Variants in ANKRD44 observed in about 807,000 individuals in gnomAD.
ANKRD44 encodes ankyrin repeat domain 44.
In ANKRD44, 35 loss-of-function variants were observed where a neutral mutation model predicts 116.0. The ratio of observed to expected loss-of-function variants is 0.30; its 90% confidence interval spans 0.23 to 0.40. The LOEUF (loss-of-function observed/expected upper bound fraction) is 0.40. Among genes scored for constraint, ANKRD44 ranks in the 10% least tolerant of loss-of-function variants. The pLI is 1.00. For missense variants in ANKRD44, 1,014 were observed against 1,242.6 expected (o/e 0.82, Z 2.77); for synonymous variants, 435 against 461.8 (o/e 0.94, Z 0.74).
intron 27 of ANKRD44, 75 bp downstream of exon 27, chr2:196,993,508 T>C (rs1222753934): frequency 1.6e-6 from 2 of 1,224,278 alleles, no homozygotes; most frequent in Non-Finnish European, 2.3e-6. Context: ...TACTAGCTCC[T>C]ATCTTTCTCA....
At chr2:197,010,605 G>GT (rs1192996197) in intron 18 of ANKRD44, among the ~76,000 whole-genome samples, 16 of 151,992 alleles carry the variant, frequency 1.1e-4, no homozygotes, top group Non-Finnish European at 2.4e-4. Context: ...TAACCTCAGG[G>GT]TAAGCTGCTT....
chr2:197,014,593 G>A (rs1302303564), intron 17 of ANKRD44, among the ~76,000 whole-genome samples: 1 of 152,018 alleles, frequency 6.6e-6, no homozygotes, highest in Non-Finnish European at 1.5e-5. Context: ...TTCGAGACCA[G>A]TCTGGCCAAA....
intron 1 of ANKRD44, among the ~76,000 whole-genome samples, chr2:197,214,778 G>A (rs144756665): frequency 6.6e-6 from 1 of 152,222 alleles, no homozygotes; most frequent in African/African-American, 2.4e-5. Context: ...CAGAAGCAAA[G>A]TCTTGAATTG....
intron 1 of ANKRD44, among the ~76,000 whole-genome samples, chr2:197,285,486 C>A (rs532134649): frequency 3.3e-5 from 5 of 152,306 alleles, no homozygotes; most frequent in Non-Finnish European, 7.4e-5. Flanking sequence ...CTAGTTGACG[C>A]TGAAGCCTTA....
At chr2:197,126,114 A>T in intron 4 of ANKRD44, 77 bp from the exon 5 acceptor site, 2 of 1,449,230 alleles carry the variant, frequency 1.4e-6, no homozygotes, top group East Asian at 4.5e-5. Context: ...TGCTTCACCA[A>T]ACCCTGGAAC....
rs370654698 is a variant in ANKRD44, at chr2:197,164,407, C to A, written c.112-17302G>T. 5.2e-3 allele frequency among the ~76,000 whole-genome samples: 785 copies of A among 152,326 alleles called. 5 individuals are homozygous for A. The highest frequency in any genetic ancestry group is 0.018 in the African/African-American group (729 of 41,576). On this transcript the variant is annotated intron_variant, in intron 2 of 27. Coordinates refer to ENST00000282272, the MANE Select transcript of ANKRD44 (RefSeq NM_001195144.2). ...CGGGGCCTGGTAGCGGAAGACCTTT[C>A]CCTCTGAGGCGCCCCTCTGTTCTCT...
intron 1 of ANKRD44, among the ~76,000 whole-genome samples, chr2:197,307,297 G>T (rs963363979): frequency 6.6e-6 from 1 of 152,158 alleles, no homozygotes; most frequent in Admixed American, 6.5e-5. Flanking sequence ...AGTTGAGGAT[G>T]TTCTATGTTA....
intron 16 of ANKRD44, among the ~76,000 whole-genome samples, chr2:197,050,276 C>A (rs1375219808): frequency 1.3e-5 from 2 of 152,128 alleles, no homozygotes; most frequent in African/African-American, 4.8e-5. Context: ...GATCCAATCG[C>A]CTCCCACCAG....
chr2:197,264,101 G>GAAAAGA (rs1165984136), intron 1 of ANKRD44, among the ~76,000 whole-genome samples: 13 of 151,948 alleles, frequency 8.6e-5, no homozygotes, highest in Non-Finnish European at 1.8e-4. Flanking sequence ...ATTTTAAAAA[G>GAAAAGA]AAAAGAAAAA....
chr2:197,159,675 T>C (rs77452330), intron 2 of ANKRD44, among the ~76,000 whole-genome samples: 5,903 of 152,344 alleles, frequency 0.039, 146 homozygotes, highest in Middle Eastern at 0.075. Flanking sequence ...GGCAAAATTG[T>C]AATTTGTCTA....
chr2:197,235,943 G>A (rs1486363268), intron 1 of ANKRD44, among the ~76,000 whole-genome samples: 2 of 152,106 alleles, frequency 1.3e-5, no homozygotes, highest in African/African-American at 4.8e-5. Context: ...AGAATTAGTT[G>A]ATGAGTGCTA....
chr2:196,970,518 C>G (rs1373591206), intron 21 of ANKRD44, among the ~76,000 whole-genome samples: 2 of 152,086 alleles, frequency 1.3e-5, no homozygotes, highest in African/African-American at 4.8e-5. Context: ...CTTCATTACT[C>G]TTTAGCTATG....
chr2:197,058,422 C>T (rs2077245311), intron 16 of ANKRD44, among the ~76,000 whole-genome samples: 1 of 144,850 alleles, frequency 6.9e-6, no homozygotes, highest in Non-Finnish European at 1.5e-5. Flanking sequence ...TTAGCAGTGA[C>T]TTGTTACTGC....
chr2:197,002,347 C>G (rs2076128833), intron 21 of ANKRD44, among the ~76,000 whole-genome samples: 1 of 152,146 alleles, frequency 6.6e-6, no homozygotes, highest in Non-Finnish European at 1.5e-5. Context: ...CAGTTCTTGG[C>G]ACATCATGGG....
At chr2:197,143,562 G>A (rs1330872384) in intron 3 of ANKRD44, among the ~76,000 whole-genome samples, 1 of 151,794 alleles carries the variant, frequency 6.6e-6, no homozygotes, top group South Asian at 2.1e-4. Context: ...AGTATTCCAT[G>A]GTGTATATGT....
intron 1 of ANKRD44, among the ~76,000 whole-genome samples, chr2:197,223,990 G>A (rs1250454246): frequency 3.6e-5 from 5 of 137,906 alleles, no homozygotes; most frequent in East Asian, 2.1e-4. Context: ...ATACATGTCC[G>A]TATGTGTTAT....
chr2:197,251,707 T>C (rs1266811571), intron 1 of ANKRD44, among the ~76,000 whole-genome samples: 4 of 152,116 alleles, frequency 2.6e-5, no homozygotes, highest in African/African-American at 2.4e-5. Context: ...ATTCACATAT[T>C]TCAAAACAAA....
intron 1 of ANKRD44, among the ~76,000 whole-genome samples, chr2:197,285,984 T>C (rs1054565760): frequency 6.6e-6 from 1 of 152,198 alleles, no homozygotes; most frequent in Admixed American, 6.5e-5. Context: ...CAGAGCTAAC[T>C]CTGGGTGAGT....
intron 16 of ANKRD44, among the ~76,000 whole-genome samples, chr2:197,052,015 C>A (rs1468815429): frequency 6.6e-6 from 1 of 152,150 alleles, no homozygotes; most frequent in Admixed American, 6.5e-5. Context: ...ACCATCCGGG[C>A]AGTGCAGAGC....
Sources: gnomAD v4.1 joint callset for allele counts (sites outside exome capture counted in the v4.1 genomes callset) on GRCh38, gnomAD v4.1.1 for gene constraint, MANE v1.5 for transcripts, NCBI Gene and HGNC (gene_info 2026-07-23, HGNC 2026-07-21) for gene names.